DSCAM: variants seen among roughly 807,000 people sequenced by gnomAD.
DSCAM encodes the protein cell adhesion molecule DSCAM.
In DSCAM, 47 loss-of-function variants were observed where a neutral mutation model predicts 217.7. The ratio of observed to expected loss-of-function variants is 0.22; its 90% CI spans 0.17 to 0.28. The LOEUF is 0.28. DSCAM is among the 10% of genes least tolerant of loss of function. The pLI is 1.00. For missense variants in DSCAM, 2,080 were observed against 2,618.3 expected (o/e 0.79, Z 4.49); for synonymous variants, 1,056 against 1,015.3 (o/e 1.04, Z -0.76).
At chr21:40,286,851 T>TGATCCATGGTGTG (rs139977303) in intron 10 of DSCAM, among the ~76,000 whole-genome samples, 3 of 149,886 alleles carry the variant, frequency 2.0e-5, no homozygotes, top group Non-Finnish European at 4.5e-5. Context: ...GATCTGCAGG[T>TGATCCATGGTGTG]ATCTGCAGTG....
chr21:40,086,022 ACTC>A, intron 22 of DSCAM, among the ~76,000 whole-genome samples: 1 of 152,172 alleles, frequency 6.6e-6, no homozygotes, highest in Middle Eastern at 3.4e-3. Flanking sequence ...AAGTCAGTGG[ACTC>A]CTCATCTGTG....
At chr21:40,757,627 G>A (rs552167586) in intron 1 of DSCAM, among the ~76,000 whole-genome samples, 1 of 152,336 alleles carries the variant, frequency 6.6e-6, no homozygotes, top group South Asian at 2.1e-4. Context: ...GTCCACCAGA[G>A]GGTAAAGAGC....
intron 3 of DSCAM, among the ~76,000 whole-genome samples, chr21:40,431,738 T>G (rs2075534555): frequency 6.6e-6 from 1 of 152,204 alleles, no homozygotes; most frequent in African/African-American, 2.4e-5. Flanking sequence ...GCTACTATAT[T>G]GAAGTTTTGG....
intron 3 of DSCAM, among the ~76,000 whole-genome samples, chr21:40,584,158 A>G (rs374377328): frequency 1.2e-4 from 18 of 152,114 alleles, no homozygotes; most frequent in African/African-American, 4.1e-4. Flanking sequence ...AGAAGCTGAT[A>G]TTCCTCCCAT....
chr21:40,698,883 A>AAAAAAG (rs2090624467), intron 2 of DSCAM, among the ~76,000 whole-genome samples: 1 of 150,432 alleles, frequency 6.6e-6, no homozygotes, highest in Admixed American at 6.6e-5. Context: ...AAAAAAAAAA[A>AAAAAAG]AAAAAAAAAA....
intron 1 of DSCAM, among the ~76,000 whole-genome samples, chr21:40,787,913 TGAA>T (rs1267993334): frequency 6.6e-6 from 1 of 152,094 alleles, no homozygotes; most frequent in Admixed American, 6.5e-5. Context: ...ATAGCAAACC[TGAA>T]GTAGTAAAAG....
chr21:40,204,623 T>C (rs2091104598), intron 11 of DSCAM, among the ~76,000 whole-genome samples: 1 of 152,210 alleles, frequency 6.6e-6, no homozygotes, highest in Non-Finnish European at 1.5e-5. Flanking sequence ...CCAATGGTTT[T>C]GCAGATAGAA....
chr21:40,838,028 T>C lies in DSCAM; in HGVS notation c.43+8591A>G, dbSNP rs558504026. 4.6e-5 allele frequency among the ~76,000 whole-genome samples: 7 copies of C among 152,360 alleles called. No homozygotes were observed. The East Asian group carries it at 1.3e-3, about 29-fold the overall frequency. Reference sequence around the variant, plus strand: ...ACAGCGGGGCTAACTGTGAAAAGAATTGAATCTTGAGTTTCTCTCGTGAGA... The same window carrying C: ...ACAGCGGGGCTAACTGTGAAAAGAACTGAATCTTGAGTTTCTCTCGTGAGA... On this transcript the variant is annotated intron_variant, in intron 1 of 32. Transcript: ENST00000400454.
At chr21:40,179,184 C>CAAAAAAAAA (rs11286508) in intron 14 of DSCAM, 90 bp from the exon 15 acceptor site, 27 of 102,612 alleles carry the variant, frequency 2.6e-4, no homozygotes, top group East Asian at 5.0e-4. Flanking sequence ...AATTAAAAAC[C>CAAAAAAAAA]AAAAAAAAAA....
At chr21:40,048,585 T>C (rs1394468257) in intron 30 of DSCAM, among the ~76,000 whole-genome samples, 1 of 152,228 alleles carries the variant, frequency 6.6e-6, no homozygotes, top group African/African-American at 2.4e-5. Flanking sequence ...ACTTCTACAA[T>C]GCAGTCATTC....
At chr21:40,186,727 G>T (rs1488327048) in intron 14 of DSCAM, among the ~76,000 whole-genome samples, 1 of 152,168 alleles carries the variant, frequency 6.6e-6, no homozygotes, top group Admixed American at 6.5e-5. Flanking sequence ...TGAGCTCAAC[G>T]CTCTGGGTGC....
At chr21:40,206,462 T>C (rs1048301523) in intron 11 of DSCAM, among the ~76,000 whole-genome samples, 1 of 152,054 alleles carries the variant, frequency 6.6e-6, no homozygotes, top group Non-Finnish European at 1.5e-5. Context: ...TTCTACATGT[T>C]CCTGAGGTAC....
chr21:40,473,190 A>G (rs2075903984), intron 3 of DSCAM, among the ~76,000 whole-genome samples: 1 of 152,250 alleles, frequency 6.6e-6, no homozygotes, highest in African/African-American at 2.4e-5. Context: ...AACTTTTTAA[A>G]AACTAAAGGA....
intron 3 of DSCAM, among the ~76,000 whole-genome samples, chr21:40,502,617 G>T (rs2178844): frequency 6.6e-6 from 1 of 151,930 alleles, no homozygotes; most frequent in Non-Finnish European, 1.5e-5. Flanking sequence ...ATGGCCCATC[G>T]AGTTTCCCAT....
intron 15 of DSCAM, among the ~76,000 whole-genome samples, chr21:40,170,736 AT>A (rs1210155217): frequency 1.3e-5 from 2 of 152,174 alleles, no homozygotes; most frequent in African/African-American, 4.8e-5. Context: ...TTGAAAAATG[AT>A]TTTTGAGTCT....
chr21:40,842,298 C>G (rs1440411771), intron 1 of DSCAM, among the ~76,000 whole-genome samples: 1 of 152,236 alleles, frequency 6.6e-6, no homozygotes, highest in Non-Finnish European at 1.5e-5. Flanking sequence ...GGTGCCTGCC[C>G]TGCTCTGGAG....
chr21:40,474,700 C>T (rs373148655), intron 3 of DSCAM, among the ~76,000 whole-genome samples: 14 of 152,250 alleles, frequency 9.2e-5, no homozygotes, highest in African/African-American at 3.4e-4. Context: ...TAATCAGGGG[C>T]ATCACAGGGG....
chr21:40,493,319 A>C (rs996141598), intron 3 of DSCAM, among the ~76,000 whole-genome samples: 3 of 152,222 alleles, frequency 2.0e-5, no homozygotes, highest in Non-Finnish European at 4.4e-5. Flanking sequence ...CCCCTTTTAC[A>C]AGAAACACTA....
At chr21:40,099,994 G>A (rs1184031556) in intron 20 of DSCAM, among the ~76,000 whole-genome samples, 1 of 152,198 alleles carries the variant, frequency 6.6e-6, no homozygotes, top group Non-Finnish European at 1.5e-5. Context: ...AACAGGAGAG[G>A]AGGCTGGGCT....
Sources: gnomAD v4.1 joint callset for allele counts (sites outside exome capture counted in the v4.1 genomes callset) on GRCh38, gnomAD v4.1.1 for gene constraint, MANE v1.5 for transcripts, NCBI Gene and HGNC (gene_info 2026-07-23, HGNC 2026-07-21) for gene names.